DGKB: variants seen among roughly 807,000 people sequenced by gnomAD.
The protein encoded by DGKB is 90 kDa diacylglycerol kinase.
A neutral mutation model predicts 114.3 loss-of-function variants in DGKB; 67 were observed. That is an observed-to-expected ratio of 0.59 (90% confidence interval 0.48 to 0.72). The LOEUF is 0.72. Among genes scored for constraint, DGKB ranks in the 30% least tolerant of loss-of-function variants. The probability of loss-of-function intolerance (pLI) is 0.00; values close to 1 mark genes in which losing one functional copy is unlikely to be tolerated. For missense variants in DGKB, 907 were observed against 975.2 expected, an observed-to-expected ratio of 0.93 and a Z score of 0.93; for synonymous variants, 398 against 323.1, an observed-to-expected ratio of 1.23 and a Z score of -2.49.
At chr7:14,455,485 CACA>C (rs1420876819) in intron 21 of DGKB, among the ~76,000 whole-genome samples, 3 of 151,942 alleles carry the variant, frequency 2.0e-5, no homozygotes, top group Non-Finnish European at 2.9e-5. Context: ...TTATTCTGTT[CACA>C]ACAAGTGCAA....
At chr7:14,345,220 A>G (rs964529095) in intron 22 of DGKB, 81 bp downstream of exon 22, 1 of 744,670 alleles carries the variant, frequency 1.3e-6, no homozygotes, top group African/African-American at 1.8e-5. Context: ...ATTTCATTCC[A>G]TGGGCTCCAA....
At chr7:14,639,243 G>T (rs1357165867) in intron 13 of DGKB, among the ~76,000 whole-genome samples, 1 of 152,064 alleles carries the variant, frequency 6.6e-6, no homozygotes, top group African/African-American at 2.4e-5. Context: ...ACATATTAAA[G>T]AATGAAAGGA....
chr7:14,700,885 T>C (rs1825051640), intron 7 of DGKB, among the ~76,000 whole-genome samples: 1 of 152,164 alleles, frequency 6.6e-6, no homozygotes, highest in South Asian at 2.1e-4. Flanking sequence ...AATATTCTTA[T>C]ATTTCCTTGA....
intron 2 of DGKB, among the ~76,000 whole-genome samples, chr7:14,769,228 GAGAAAGAAAGAAAGAAAGAAAGAAAGAA>G (rs371117893): frequency 7.5e-5 from 9 of 119,688 alleles, no homozygotes; most frequent in African/African-American, 2.9e-4. Flanking sequence ...GAAAGAGAGA[GAGAAAGAAAGAAAGAAAGAAAGAAAGAA>G]AGAAAGAAAG....
chr7:14,558,345 C>T (rs906749618), intron 20 of DGKB, among the ~76,000 whole-genome samples: 1 of 151,696 alleles, frequency 6.6e-6, no homozygotes, highest in African/African-American at 2.4e-5. Context: ...TCTGAGGATG[C>T]CTTTCACAAT....
intron 2 of DGKB, among the ~76,000 whole-genome samples, chr7:14,837,846 T>C (rs1274575816): frequency 6.6e-6 from 1 of 152,226 alleles, no homozygotes; most frequent in Non-Finnish European, 1.5e-5. Flanking sequence ...AATCATGATA[T>C]TCTTTGCTTC....
intron 9 of DGKB, 119 bp downstream of exon 9, chr7:14,693,956 C>T (rs1196204390): frequency 6.8e-6 from 8 of 1,171,558 alleles, no homozygotes; most frequent in Non-Finnish European, 9.4e-6. Context: ...ATTAAAAGTT[C>T]CAGGCACTCA....
intron 21 of DGKB, among the ~76,000 whole-genome samples, chr7:14,376,112 A>T (rs1406204910): frequency 1.3e-5 from 2 of 152,142 alleles, no homozygotes; most frequent in Non-Finnish European, 2.9e-5. Flanking sequence ...TCCATAGTTA[A>T]TTTCTAGAGA....
chr7:14,842,669 C>A (rs531184079), intron 1 of DGKB, among the ~76,000 whole-genome samples: 5 of 152,290 alleles, frequency 3.3e-5, no homozygotes, highest in Admixed American at 1.3e-4. Flanking sequence ...TGGTTACAGG[C>A]AGTTTTGGTG....
intron 21 of DGKB, among the ~76,000 whole-genome samples, chr7:14,393,182 G>T (rs1352546395): frequency 1.3e-5 from 2 of 151,368 alleles, no homozygotes; most frequent in Non-Finnish European, 3.0e-5. Flanking sequence ...GTAGAGACGG[G>T]GTTTCACCGT....
intron 23 of DGKB, among the ~76,000 whole-genome samples, chr7:14,293,064 C>T (rs1225651673): frequency 6.6e-6 from 1 of 152,134 alleles, no homozygotes; most frequent in Non-Finnish European, 1.5e-5. Flanking sequence ...TACATATTGA[C>T]ATATCCTTTG....
chr7:14,348,369 G>A (rs1764070234), intron 21 of DGKB, among the ~76,000 whole-genome samples: 1 of 151,962 alleles, frequency 6.6e-6, no homozygotes, highest in African/African-American at 2.4e-5. Context: ...ATGCATCATA[G>A]CAAAGGACTA....
intron 23 of DGKB, among the ~76,000 whole-genome samples, chr7:14,251,309 T>A (rs73069643): frequency 0.12 from 18,175 of 152,116 alleles, 1,382 homozygotes; most frequent in East Asian, 0.2. Context: ...TTTTTGGTTA[T>A]CTGGGGATGA....
intron 1 of DGKB, among the ~76,000 whole-genome samples, chr7:14,844,269 AACCCAG>A (rs1246413646): frequency 6.6e-6 from 1 of 152,230 alleles, no homozygotes; most frequent in Non-Finnish European, 1.5e-5. Context: ...GTTGGCTGCA[AACCCAG>A]AAGTTTCTTG....
chr7:14,720,918 A>C (rs2128357591), intron 5 of DGKB, among the ~76,000 whole-genome samples: 1 of 152,248 alleles, frequency 6.6e-6, no homozygotes, highest in South Asian at 2.1e-4. Context: ...TGCAGGAATA[A>C]GCAGTTCCAA....
At chr7:14,592,430 A>G (rs1266303519) in intron 17 of DGKB, among the ~76,000 whole-genome samples, 1 of 151,992 alleles carries the variant, frequency 6.6e-6, no homozygotes, top group Non-Finnish European at 1.5e-5. Context: ...ATTCATATTT[A>G]TACTTGCATG....
At chr7:14,492,188 GC>G (rs1784688488) in intron 20 of DGKB, among the ~76,000 whole-genome samples, 1 of 152,012 alleles carries the variant, frequency 6.6e-6, no homozygotes, top group African/African-American at 2.4e-5. Context: ...GTTAATCTTT[GC>G]TTTTATTACC....
At chr7:14,647,015 C>A (rs4721356) in intron 13 of DGKB, among the ~76,000 whole-genome samples, 91,964 of 151,546 alleles carry the variant, frequency 0.61, 28,946 homozygotes, top group Admixed American at 0.73. Context: ...AAATTACAAA[C>A]AGTCAACAAA....
At chr7:14,508,019 A>G (rs186810642) in intron 20 of DGKB, among the ~76,000 whole-genome samples, 2 of 152,328 alleles carry the variant, frequency 1.3e-5, no homozygotes, top group South Asian at 2.1e-4. Context: ...CAATGATTCA[A>G]CAAAGGTTGG....
Sources: allele counts gnomAD v4.1 joint callset (sites outside exome capture counted in the v4.1 genomes callset), GRCh38; gene constraint gnomAD v4.1.1; transcripts MANE v1.5; gene names NCBI Gene and HGNC (gene_info 2026-07-23, HGNC 2026-07-21).